The following ANKMY1 variants were observed in gnomAD, a reference collection of about 807,000 sequenced individuals.
The protein encoded by ANKMY1 is ankyrin repeat and MYND domain-containing protein 1.
ANKMY1 carries 98 observed loss-of-function variants against 102.0 expected under a neutral mutation model. The ratio of observed to expected loss-of-function variants is 0.96; its 90% confidence interval spans 0.82 to 1.14. The LOEUF (loss-of-function observed/expected upper bound fraction) is 1.14, where lower values mean the gene tolerates loss of function less well. ANKMY1 is among the 50% of genes most tolerant of loss of function. The pLI, the probability that ANKMY1 is intolerant of heterozygous loss-of-function variation, is 0.00. For synonymous variants in ANKMY1, 582 were observed against 559.9 expected (o/e 1.04, Z -0.56); for missense variants, 1,330 against 1,347.6 (o/e 0.99, Z 0.20).
At chr2:240,560,982 C>G (rs928770386), upstream of ANKMY1, 2 of 1,542,718 alleles carry the variant, frequency 1.3e-6, no homozygotes, top group Non-Finnish European at 8.6e-7. Context: ...CGGCGCCTGC[C>G]TAGTCTACTG....
At position 240,524,023 on chromosome 2, in the gene ANKMY1, T is replaced by A. The variant is rs1239198265; in HGVS notation, c.1694A>T (p.Asp565Val). 3.7e-6 allele frequency: 6 copies of A among 1,613,966 alleles called. No individual in the cohort carries two copies. Among genetic ancestry groups the A allele is most frequent in the Non-Finnish European group, 5.1e-6 (6 of 1,180,030 alleles). Residue 565 changes from aspartate to valine, a missense_variant, in exon 8 of 18, where the codon GAC becomes GTC. Coordinates refer to ENST00000401804, the MANE Select transcript of ANKMY1 (RefSeq NM_001282771.3). ...GGCCTGCGAGAGCTCGATGGAGAAG[T>A]CGCACACACACACGTTGGACTCAAA... The part of the protein sequence containing the change: ...TKFESNVCVC[D>V]FSIELSQAML...
Position 240,512,799 on chromosome 2 carries a change from C to G in ANKMY1, c.2145+3G>C, listed in dbSNP as rs554801056. 6.2e-7 allele frequency: 1 copy of G among 1,613,354 alleles called. No homozygotes were observed. The highest frequency in any genetic ancestry group is 2.2e-5 in the East Asian group (1 of 44,848). On this transcript the variant is annotated splice_donor_region_variant and intron_variant, in intron 10 of 17. Transcript: ENST00000401804. Reference sequence around the variant, plus strand: ...ACCCCTATCCAGGTCGCGAGGTACACACCTTGCCGGGCTTGTAAGTGTCGT... The same window carrying G: ...ACCCCTATCCAGGTCGCGAGGTACAGACCTTGCCGGGCTTGTAAGTGTCGT...
At chr2:240,553,172 G>T in intron 3 of ANKMY1, 115 bp from the exon 4 acceptor site, 1 of 1,275,458 alleles carries the variant, frequency 7.8e-7, no homozygotes, top group Non-Finnish European at 1.1e-6. Flanking sequence ...CCAGGGCTGT[G>T]GCAGAACTCA....
chr2:240,553,301 G>A (rs2091854066), intron 3 of ANKMY1: 1 of 534,638 alleles, frequency 1.9e-6, no homozygotes, highest in Non-Finnish European at 3.4e-6. Flanking sequence ...GGACTGTGGG[G>A]AGGCTTAAAA....
chr2:240,492,985 G>T (rs1421183962), intron 15 of ANKMY1, among the ~76,000 whole-genome samples: 1 of 151,998 alleles, frequency 6.6e-6, no homozygotes, highest in Non-Finnish European at 1.5e-5. Context: ...ACCTCACCTG[G>T]CCTAAAAATC....
At chr2:240,476,047 A>G (rs557904558), downstream of ANKMY1, among the ~76,000 whole-genome samples, 1 of 152,368 alleles carries the variant, frequency 6.6e-6, no homozygotes, top group East Asian at 1.9e-4. Context: ...CAGCTAAAGC[A>G]ATCTTGCAAA....
chr2:240,482,588 G>A (rs765207827), intron 15 of ANKMY1, among the ~76,000 whole-genome samples: 11 of 152,212 alleles, frequency 7.2e-5, no homozygotes, highest in East Asian at 1.9e-4. Flanking sequence ...ATTTAGACAT[G>A]TGTTATTTTA....
chr2:240,541,822 G>C (rs1219601698), intron 4 of ANKMY1, among the ~76,000 whole-genome samples: 1 of 152,114 alleles, frequency 6.6e-6, no homozygotes, highest in African/African-American at 2.4e-5. Flanking sequence ...TTTTAAGCAG[G>C]GTTGGGCCAG....
At chr2:240,510,867 C>T (rs566456262) in intron 11 of ANKMY1, among the ~76,000 whole-genome samples, 1 of 152,254 alleles carries the variant, frequency 6.6e-6, no homozygotes, top group South Asian at 2.1e-4. Context: ...CATCAGGACA[C>T]AAGTGTGCGA....
chr2:240,557,437 CT>C, intron 1 of ANKMY1, 85 bp from the exon 2 acceptor site: 1 of 1,394,528 alleles, frequency 7.2e-7, no homozygotes, highest in African/African-American at 1.5e-5. Flanking sequence ...CCCGCGGCCC[CT>C]GAGCCTCAGA....
intron 8 of ANKMY1, chr2:240,522,384 G>A (rs1349178936): frequency 6.6e-6 from 1 of 152,214 alleles, no homozygotes; most frequent in Non-Finnish European, 1.5e-5. Flanking sequence ...AAACCAGTTG[G>A]GGAGAAGGAT....
Position 240,482,237 on chromosome 2 carries a change from A to T in ANKMY1, c.2831T>A (p.Met944Lys), listed in dbSNP as rs748966956. The change falls in exon 16 of 18, where the codon ATG becomes AAG. Residue 944 changes from methionine to lysine, a missense_variant. Transcript: ENST00000401804. ...KRAELIPSHR[M>K]KKKGPSLPRG... The stretch of plus-strand genomic sequence containing the variant: ...GGGCAGGCTGGGGCCCTTCTTCTTC[A>T]TCCTGTGGCTGGGGATCAGCTCCGC... The T allele has an allele frequency of 2.5e-6, 4 of 1,612,806 alleles. No individual in the cohort carries two copies. Among genetic ancestry groups the T allele is most frequent in the South Asian group, 2.2e-5 (2 of 90,772 alleles).
chr2:240,512,043 C>A, intron 10 of ANKMY1, 42 bp from the exon 11 acceptor site: 1 of 1,494,388 alleles, frequency 6.7e-7, no homozygotes, highest in South Asian at 1.3e-5. Context: ...ACGGACCTGC[C>A]GTGTGCCCAC....
Position 240,520,535 on chromosome 2 carries a change from T to A in ANKMY1, c.1833-2A>T. 2 of 1,610,000 alleles carry A rather than the reference T, an allele frequency of 1.2e-6. No homozygotes were observed. Among genetic ancestry groups the A allele is most frequent in the Non-Finnish European group, 1.7e-6 (2 of 1,178,132 alleles). On this transcript the variant is annotated splice_acceptor_variant, in intron 8 of 17. Coordinates refer to ENST00000401804, the MANE Select transcript of ANKMY1 (RefSeq NM_001282771.3). LOFTEE classifies it high-confidence loss of function. This position sits in a 1 kb window ranked among gnomAD's most constrained non-coding sequence, Gnocchi z 4.8. Reference sequence around the variant, plus strand: ...ATGGTCCGCCAGCGCTTCCTCCGCCTGAAAAAGACGGTGCGCCCGTGGGCC... The same window carrying A: ...ATGGTCCGCCAGCGCTTCCTCCGCCAGAAAAAGACGGTGCGCCCGTGGGCC...
intron 4 of ANKMY1, among the ~76,000 whole-genome samples, chr2:240,530,217 A>G (rs1031765825): frequency 2.0e-4 from 31 of 152,188 alleles, no homozygotes; most frequent in African/African-American, 5.3e-4. Flanking sequence ...GAGGGAGCAC[A>G]GTCAGGGGCC....
chr2:240,525,607 G>A (rs1439888995), intron 7 of ANKMY1, 78 bp downstream of exon 7: 2 of 1,501,018 alleles, frequency 1.3e-6, no homozygotes, highest in Non-Finnish European at 9.1e-7. Context: ...CAGGAGGGAG[G>A]AGGCTTGGTG....
chr2:240,475,507 G>C (rs903286617), downstream of ANKMY1, among the ~76,000 whole-genome samples: 1 of 151,802 alleles, frequency 6.6e-6, no homozygotes, highest in African/African-American at 2.4e-5. Flanking sequence ...ATTTAAGCGA[G>C]GTAAAAGAAC....
chr2:240,473,712 T>C, the ANKMY1 span, among the ~76,000 whole-genome samples: 1 of 152,186 alleles, frequency 6.6e-6, no homozygotes, highest in Non-Finnish European at 1.5e-5. Flanking sequence ...AGGTTCAACA[T>C]ATGAAAACCT....
chr2:240,509,378 G>C lies in ANKMY1; in HGVS notation c.2364C>G (p.Leu788=), dbSNP rs2079693793. The C allele has an allele frequency of 6.2e-7, 1 of 1,613,610 alleles. No homozygotes were observed. The highest frequency in any genetic ancestry group is 1.1e-5 in the South Asian group (1 of 91,026). The part of the protein sequence containing the change: ...PNLLWSGHSP[L]SLSIASGNEL... ...CATTCCCACTGGCAATGGACAGGGAGAGCGGGGAGTGGCCACTCCACAGCA... is the reference window on the plus strand; with the variant it reads ...CATTCCCACTGGCAATGGACAGGGACAGCGGGGAGTGGCCACTCCACAGCA... Residue 788 remains leucine, a synonymous_variant, in exon 12 of 18, where the codon CTC becomes CTG. Transcript: ENST00000401804.
Sources: allele counts gnomAD v4.1 joint callset (sites outside exome capture counted in the v4.1 genomes callset), GRCh38; gene constraint gnomAD v4.1.1; non-coding constraint Gnocchi (gnomAD v3.1); transcripts MANE v1.5; gene names NCBI Gene and HGNC (gene_info 2026-07-23, HGNC 2026-07-21).